Variants in MICU3 observed in about 807,000 individuals in gnomAD.
The protein encoded by MICU3 is calcium uptake protein 3, mitochondrial.
A neutral mutation model predicts 66.5 loss-of-function variants in MICU3; 62 were observed. The observed-to-expected ratio is 0.93, with a 90% CI of 0.76 to 1.15. MICU3 has a LOEUF of 1.15. MICU3 is among the 50% of genes most tolerant of loss of function. MICU3 has a pLI of 0.00. For missense variants in MICU3, 779 were observed against 664.4 expected, an observed-to-expected ratio of 1.17 and a Z score of -1.90; for synonymous variants, 308 against 240.7, an observed-to-expected ratio of 1.28 and a Z score of -2.59.
intron 6 of MICU3, among the ~76,000 whole-genome samples, chr8:17,085,975 T>A (rs1378075943): frequency 2.0e-5 from 3 of 152,078 alleles, no homozygotes; most frequent in Non-Finnish European, 4.4e-5. Flanking sequence ...CCTAGTATAT[T>A]TTTTTTCTCT....
At chr8:17,028,783 C>T (rs1811484711) in intron 1 of MICU3, among the ~76,000 whole-genome samples, 1 of 152,032 alleles carries the variant, frequency 6.6e-6, no homozygotes, top group African/African-American at 2.4e-5. Flanking sequence ...CCTCAAATCT[C>T]CACCCCCTCC....
intron 7 of MICU3, among the ~76,000 whole-genome samples, chr8:17,089,661 C>G (rs1339227922): frequency 6.6e-6 from 1 of 151,954 alleles, no homozygotes; most frequent in African/African-American, 2.4e-5. Flanking sequence ...ACCTGGATGA[C>G]CTTGGACAAT....
the MICU3 span, among the ~76,000 whole-genome samples, chr8:17,130,710 C>A: frequency 6.6e-6 from 1 of 151,922 alleles, no homozygotes; most frequent in Admixed American, 6.6e-5. Context: ...CCCATAGAAC[C>A]GTAAGTGAGT....
chr8:17,064,117 G>A lies in MICU3; in HGVS notation c.415G>A (p.Asp139Asn). The part of the protein sequence containing the change: ...AIGRTDIEDL[D>N]LYATSRERRF... Reference sequence around the variant, plus strand: ...TGGCAGAACAGACATTGAAGACTTAGACCTTTATGCCACATCTCGGGAGAG... The same window carrying A: ...TGGCAGAACAGACATTGAAGACTTAAACCTTTATGCCACATCTCGGGAGAG... The change falls in exon 2 of 15, where the codon GAC (aspartate) becomes AAC (asparagine). Residue 139 changes from aspartate to asparagine, a missense_variant. By Grantham distance (23) the Asp-to-Asn change is conservative. Transcript: ENST00000318063. The A allele has an allele frequency of 6.2e-7, 1 of 1,612,878 alleles. No homozygotes were observed. The highest frequency in any genetic ancestry group is 1.1e-5 in the South Asian group (1 of 90,868).
chr8:17,058,096 C>A (rs151116170), intron 1 of MICU3, among the ~76,000 whole-genome samples: 1 of 152,030 alleles, frequency 6.6e-6, no homozygotes, highest in South Asian at 2.1e-4. Context: ...GTGATCCACC[C>A]GCCTCGGCCT....
intron 8 of MICU3, among the ~76,000 whole-genome samples, chr8:17,091,732 T>C (rs2150763743): frequency 6.6e-6 from 1 of 152,222 alleles, no homozygotes; most frequent in East Asian, 1.9e-4. Flanking sequence ...CTCTTTTCCA[T>C]TAAGTAAAGC....
chr8:17,078,971 A>G (rs532107863), intron 4 of MICU3, among the ~76,000 whole-genome samples: 5 of 152,330 alleles, frequency 3.3e-5, no homozygotes, highest in African/African-American at 9.6e-5. Flanking sequence ...TCAAGTAAGT[A>G]TGGTGAATTT....
At position 17,083,757 on chromosome 8, in the gene MICU3, T is replaced by C. The variant is rs576397335; in HGVS notation, c.695-1479T>C. On this transcript the variant is annotated intron_variant, in intron 5 of 14. Transcript: ENST00000318063. ...ATGAAGCAAGTCCAGTCAATGATGCTATCCTGAGAATGAGAGAGGGTGCAA... is the reference window on the plus strand; with the variant it reads ...ATGAAGCAAGTCCAGTCAATGATGCCATCCTGAGAATGAGAGAGGGTGCAA... 8.5e-5 allele frequency among the ~76,000 whole-genome samples: 13 copies of C among 152,244 alleles called. No homozygotes were observed. The South Asian group carries it at 2.7e-3, about 32-fold the overall frequency.
intron 1 of MICU3, among the ~76,000 whole-genome samples, chr8:17,053,847 T>C (rs1256920420): frequency 6.6e-6 from 1 of 152,190 alleles, no homozygotes; most frequent in Non-Finnish European, 1.5e-5. Flanking sequence ...GAAAAGGGTG[T>C]CAGGCAATTC....
At position 17,086,933 on chromosome 8, in the gene MICU3, A is replaced by G. The variant is rs558181366; in HGVS notation, c.778-31A>G. 22 of 1,461,946 alleles carry G rather than the reference A, an allele frequency of 1.5e-5. No homozygotes were observed. In the African/African-American group the frequency reaches 3.1e-4, roughly 20 times the overall value. The allele number at this position is 1,461,946 out of a possible 1,614,324, so 90.6% of individuals were successfully genotyped here. A position where few individuals can be genotyped will look rare whatever the true frequency, so the allele number is the denominator to read the frequency against. On this transcript the variant is annotated intron_variant, in intron 6 of 14. Transcript: ENST00000318063. Reference sequence around the variant, plus strand: ...ATAGGTGCCCAGAAACTCTTGTTGGATATTTGATTCTTGATTGATTTCTTT... The same window carrying G: ...ATAGGTGCCCAGAAACTCTTGTTGGGTATTTGATTCTTGATTGATTTCTTT...
intron 1 of MICU3, among the ~76,000 whole-genome samples, chr8:17,056,714 G>T (rs1263762887): frequency 6.6e-6 from 1 of 152,234 alleles, no homozygotes; most frequent in Non-Finnish European, 1.5e-5. Context: ...GCTATCACAA[G>T]GGATGTGATT....
intron 2 of MICU3, among the ~76,000 whole-genome samples, chr8:17,069,448 C>T (rs1819212305): frequency 6.6e-6 from 1 of 152,042 alleles, no homozygotes; most frequent in Non-Finnish European, 1.5e-5. Flanking sequence ...GATGATACGG[C>T]TGTGGAGAAA....
At chr8:17,078,351 CTTACTGCAA>C (rs1563340887) in intron 4 of MICU3, among the ~76,000 whole-genome samples, 1 of 152,016 alleles carries the variant, frequency 6.6e-6, no homozygotes, top group Non-Finnish European at 1.5e-5. Flanking sequence ...AAGGCCAACA[CTTACTGCAA>C]ATATACCTGT....
At chr8:17,064,332 G>T in intron 2 of MICU3, 95 bp downstream of exon 2, 4 of 866,548 alleles carry the variant, frequency 4.6e-6, no homozygotes, top group Non-Finnish European at 6.9e-6. Context: ...TAGAAGAACT[G>T]AGTAATGTGG....
intron 1 of MICU3, among the ~76,000 whole-genome samples, chr8:17,041,352 C>T (rs137890365): frequency 1.4e-3 from 219 of 151,346 alleles, no homozygotes; most frequent in African/African-American, 5.0e-3. Context: ...GTCAGTTATA[C>T]TGAAAGCTAT....
chr8:17,082,544 T>C (rs1821351472), intron 5 of MICU3, among the ~76,000 whole-genome samples: 1 of 152,150 alleles, frequency 6.6e-6, no homozygotes, highest in African/African-American at 2.4e-5. Context: ...GAATGCAAGG[T>C]CCATTATGGC....
At chr8:17,106,482 A>T (rs1801747374) in intron 11 of MICU3, among the ~76,000 whole-genome samples, 1 of 150,968 alleles carries the variant, frequency 6.6e-6, no homozygotes, top group Non-Finnish European at 1.5e-5. Context: ...AATATTGAAA[A>T]TTGTACTACC....
intron 9 of MICU3, among the ~76,000 whole-genome samples, chr8:17,104,014 T>C (rs1156723829): frequency 6.6e-6 from 1 of 151,870 alleles, no homozygotes; most frequent in Non-Finnish European, 1.5e-5. Context: ...ATTTTTCAGA[T>C]TGATTAGGAA....
chr8:17,088,823 C>T (rs1287294044), intron 7 of MICU3, among the ~76,000 whole-genome samples: 10 of 151,774 alleles, frequency 6.6e-5, no homozygotes, highest in Non-Finnish European at 1.2e-4. Flanking sequence ...TGGCTCTGAG[C>T]GTCACTGCAG....
Sources: gnomAD v4.1 joint callset for allele counts (sites outside exome capture counted in the v4.1 genomes callset) on GRCh38, gnomAD v4.1.1 for gene constraint, MANE v1.5 for transcripts, NCBI Gene and HGNC (gene_info 2026-07-23, HGNC 2026-07-21) for gene names.